The following DNAJC7 variants were observed in gnomAD, a reference collection of about 807,000 sequenced individuals.
The protein encoded by DNAJC7 is DnaJ heat shock protein family (Hsp40) member C7.
In DNAJC7, 18 loss-of-function variants were observed where a neutral mutation model predicts 67.4. The observed-to-expected ratio is 0.27, with a 90% confidence interval of 0.18 to 0.40. The LOEUF (loss-of-function observed/expected upper bound fraction) is 0.40. DNAJC7 is among the 10% of genes least tolerant of loss of function. The pLI, the probability that DNAJC7 is intolerant of heterozygous loss-of-function variation, is 1.00. For missense variants in DNAJC7, 419 were observed against 613.8 expected (o/e 0.68, Z 3.35); for synonymous variants, 220 against 207.8 (o/e 1.06, Z -0.50).
intron 1 of DNAJC7, among the ~76,000 whole-genome samples, chr17:42,002,323 G>C (rs2051829282): frequency 1.3e-5 from 2 of 152,162 alleles, no homozygotes; most frequent in South Asian, 4.1e-4. Flanking sequence ...ACAAATCTTT[G>C]AGGAAAACGA....
At chr17:41,981,028 G>A (rs2051235633) in intron 12 of DNAJC7, among the ~76,000 whole-genome samples, 1 of 151,908 alleles carries the variant, frequency 6.6e-6, no homozygotes. Context: ...CCCCAAAGAG[G>A]CCATGCTTTG....
intron 1 of DNAJC7, chr17:42,016,110 T>C (rs1333314997): frequency 6.6e-6 from 1 of 152,210 alleles, no homozygotes; most frequent in Non-Finnish European, 1.5e-5. Context: ...GTGTCCTGGC[T>C]TCTCTGATAT....
chr17:42,017,381 C>A lies in DNAJC7; in HGVS notation c.36G>T (p.Ala12=). The stretch of plus-strand genomic sequence containing the variant: ...CGTCGAGCAGCTCCGGCTCGGTCGC[C>A]GCCATTACCACATCGCACTCCGCGG... ...AAAAECDVVM[A]ATEPELLDDQ... is the part of the protein sequence containing the mutation. Residue 12 remains alanine (A), a synonymous_variant, in exon 1 of 14, where the codon GCG becomes GCT. Coordinates refer to ENST00000457167, the MANE Select transcript of DNAJC7 (RefSeq NM_003315.4). 1 of 1,610,396 alleles carries A rather than the reference C, an allele frequency of 6.2e-7. No homozygotes were observed. The highest frequency in any genetic ancestry group is 8.5e-7 in the Non-Finnish European group (1 of 1,179,876).
chr17:41,990,441 CTTTAG>C, intron 5 of DNAJC7, 59 bp from the exon 6 acceptor site: 3 of 1,442,548 alleles, frequency 2.1e-6, no homozygotes, highest in South Asian at 1.2e-5. Context: ...AACATCTTCA[CTTTAG>C]TTTAGTCACA....
At position 41,997,923 on chromosome 17, in the gene DNAJC7, T is replaced by C. The variant is rs529500193; in HGVS notation, c.167-684A>G. Among the ~76,000 whole-genome samples, 4 of 152,294 alleles carry C rather than the reference T, an allele frequency of 2.6e-5. No homozygotes were observed. In the South Asian group the frequency reaches 8.3e-4, roughly 32 times the overall value. The stretch of plus-strand genomic sequence containing the variant: ...TGTTGCCCACGCTGGACTGCAGTGG[T>C]ATGATCTCTGCTCACTGCATCCTCC... On this transcript the variant is annotated intron_variant, in intron 2 of 13. Transcript: ENST00000457167.
chr17:41,993,992 G>A (rs183480850), intron 5 of DNAJC7, among the ~76,000 whole-genome samples: 2 of 149,524 alleles, frequency 1.3e-5, no homozygotes, highest in East Asian at 2.0e-4. Flanking sequence ...GCAGTGAGCC[G>A]AGATCACGCC....
chr17:42,014,962 A>C (rs1401736715), intron 1 of DNAJC7: 1 of 151,988 alleles, frequency 6.6e-6, no homozygotes, highest in African/African-American at 2.4e-5. Context: ...GTGACAGATA[A>C]AATAATTTGC....
chr17:41,994,727 G>A, intron 5 of DNAJC7, 143 bp downstream of exon 5: 1 of 667,384 alleles, frequency 1.5e-6, no homozygotes. Flanking sequence ...TTTTTAAGAG[G>A]AAAAGTCAGA....
Position 42,010,353 on chromosome 17 carries a change from G to A in DNAJC7, c.77+6987C>T, listed in dbSNP as rs140291702. On this transcript the variant is annotated intron_variant, in intron 1 of 13. Coordinates refer to ENST00000457167, the MANE Select transcript of DNAJC7 (RefSeq NM_003315.4). The stretch of plus-strand genomic sequence containing the variant: ...AAAAAAAATACAAAATTAGCCGGGC[G>A]TGGTGGCGCATGCCTGTAATTCCAG... 1.6e-3 allele frequency among the ~76,000 whole-genome samples: 246 copies of A among 151,634 alleles called. 1 individual carries two copies. Among genetic ancestry groups the A allele is most frequent in the Middle Eastern group, 0.014 (4 of 292 alleles).
rs1555648359 is a variant in DNAJC7 at position 41,994,914 on chromosome 17, C to T, written c.436G>A (p.Glu146Lys). The change falls in exon 5 of 14, where the codon GAG (glutamate) becomes AAG (lysine). Residue 146 changes from glutamate (E) to lysine (K), a missense_variant. Glu to Lys is a moderately conservative substitution (Grantham distance 56, BLOSUM62 1). Transcript: ENST00000457167. ...TCAAAATCTGTTTCTGCTATTTTCT[C>T]ATATTCCATGACTGCATTAGCATTC... ...FKNANAVMEY[E>K]KIAETDFEKR... is the part of the protein sequence containing the mutation. 1.2e-6 allele frequency: 2 copies of T among 1,613,952 alleles called. No individual in the cohort carries two copies. The highest frequency in any genetic ancestry group is 1.7e-5 in the Admixed American group (1 of 60,018).
intron 9 of DNAJC7, among the ~76,000 whole-genome samples, chr17:41,986,739 T>G (rs910052071): frequency 1.3e-5 from 2 of 152,142 alleles, no homozygotes; most frequent in African/African-American, 2.4e-5. Flanking sequence ...CCTGTATGTT[T>G]CTGTTGGACA....
chr17:41,993,587 T>G (rs1394354548), intron 5 of DNAJC7, among the ~76,000 whole-genome samples: 1 of 152,254 alleles, frequency 6.6e-6, no homozygotes, highest in Non-Finnish European at 1.5e-5. Context: ...CAAACTTAAG[T>G]GATCCAGAAA....
intron 12 of DNAJC7, among the ~76,000 whole-genome samples, chr17:41,979,657 T>TA (rs71155200): frequency 0.069 from 3,300 of 47,790 alleles, 270 homozygotes; most frequent in African/African-American, 0.15. Flanking sequence ...GGCTCAGTCT[T>TA]AAAAAAAAAA....
Position 42,000,433 on chromosome 17 carries a change from A to G in DNAJC7, c.166+49T>C, listed in dbSNP as rs73983694. 1.8e-3 allele frequency: 2,664 copies of G among 1,448,570 alleles called. 41 individuals carry two copies. The African/African-American group carries it at 0.033, about 18-fold the overall frequency. The allele number at this position is 1,448,570 out of a possible 1,614,324, so 89.7% of individuals were successfully genotyped here. A position where few individuals can be genotyped will look rare whatever the true frequency, so the allele number is the denominator to read the frequency against. ...CAGGACTTGGCAGCTACTTTTAATA[A>G]TATTTGGCAAGTAAATGTTTTCTAG... On this transcript the variant is annotated intron_variant, in intron 2 of 13. Transcript: ENST00000457167.
intron 2 of DNAJC7, among the ~76,000 whole-genome samples, chr17:42,000,130 T>A (rs1464332933): frequency 1.4e-5 from 2 of 144,404 alleles, no homozygotes; most frequent in African/African-American, 5.2e-5. Context: ...ATTTTTTTTA[T>A]CTTTTTGAGA....
At chr17:41,980,132 C>T (rs1367742420) in intron 12 of DNAJC7, among the ~76,000 whole-genome samples, 6 of 150,742 alleles carry the variant, frequency 4.0e-5, no homozygotes, top group Admixed American at 4.0e-4. Flanking sequence ...TCATTGCAAC[C>T]TCCGCCTCCC....
chr17:42,009,214 C>T (rs1266980869), intron 1 of DNAJC7, among the ~76,000 whole-genome samples: 4 of 152,130 alleles, frequency 2.6e-5, no homozygotes, highest in African/African-American at 4.8e-5. Flanking sequence ...CACACATCTC[C>T]GCTAATAAAG....
Position 41,981,985 on chromosome 17 carries a change from A to G in DNAJC7, c.1254T>C (p.Ala418=), listed in dbSNP as rs2051263553. The change falls in exon 12 of 14, where the codon GCT becomes GCC. Residue 418 remains alanine (A), a synonymous_variant. Transcript: ENST00000457167. ...TCTTCTCCTCCTCCTTCTGAACCTCAGCACTGGCTCCACTATGCCGATCTA... is the reference window on the plus strand; with the variant it reads ...TCTTCTCCTCCTCCTTCTGAACCTCGGCACTGGCTCCACTATGCCGATCTA... ...HHPDRHSGAS[A]EVQKEEEKKF... 2.5e-6 allele frequency: 4 copies of G among 1,614,048 alleles called. No homozygotes were observed. The highest frequency in any genetic ancestry group is 3.4e-6 in the Non-Finnish European group (4 of 1,179,910).
At chr17:42,004,215 A>G (rs1555649844) in intron 1 of DNAJC7, among the ~76,000 whole-genome samples, 1 of 152,102 alleles carries the variant, frequency 6.6e-6, no homozygotes, top group African/African-American at 2.4e-5. Context: ...TAGACCTCTC[A>G]AAGTGCTAGT....
Sources: allele counts gnomAD v4.1 joint callset (sites outside exome capture counted in the v4.1 genomes callset), GRCh38; gene constraint gnomAD v4.1.1; transcripts MANE v1.5; gene names NCBI Gene and HGNC (gene_info 2026-07-23, HGNC 2026-07-21).